Variants in GSE1 observed in about 807,000 individuals in gnomAD.
GSE1 encodes the protein genetic suppressor element 1.
In GSE1, 32 loss-of-function variants were observed where a neutral mutation model predicts 112.6. That is an observed-to-expected ratio of 0.28 (90% confidence interval 0.21 to 0.38). The LOEUF is 0.38. Ranked by LOEUF, GSE1 falls within the 10% of genes least tolerant of loss-of-function variation. GSE1 has a pLI of 1.00. For missense variants in GSE1, 2,348 were observed against 1,699.2 expected (o/e 1.38, Z -6.71); for synonymous variants, 1,115 against 735.6 (o/e 1.52, Z -8.35).
intron 2 of GSE1, among the ~76,000 whole-genome samples, chr16:85,503,001 C>T (rs1326764251): frequency 6.6e-6 from 1 of 152,172 alleles, no homozygotes; most frequent in Non-Finnish European, 1.5e-5. Context: ...GGTAAGAAGG[C>T]TGGGAAAGGC....
chr16:85,500,741 G>A (rs917790921), intron 2 of GSE1, among the ~76,000 whole-genome samples: 6 of 152,212 alleles, frequency 3.9e-5, no homozygotes, highest in African/African-American at 1.4e-4. Flanking sequence ...GGGATGGAGA[G>A]GGGGCTTGAA....
At chr16:85,600,329 G>T (rs1249612585) in intron 1 of GSE1, among the ~76,000 whole-genome samples, 1 of 152,168 alleles carries the variant, frequency 6.6e-6, no homozygotes, top group Non-Finnish European at 1.5e-5. Context: ...AGGCAGGAGG[G>T]GGCTGGGCCT....
intron 13 of GSE1, 62 bp from the exon 14 acceptor site, chr16:85,668,078 C>CTGAG: frequency 1.5e-6 from 2 of 1,309,148 alleles, no homozygotes; most frequent in Non-Finnish European, 2.1e-6. Flanking sequence ...GAGCTCCCTT[C>CTGAG]TGAGACAGCA....
intron 1 of GSE1, among the ~76,000 whole-genome samples, chr16:85,348,468 C>T (rs1483750611): frequency 6.6e-6 from 1 of 152,208 alleles, no homozygotes; most frequent in East Asian, 1.9e-4. Flanking sequence ...ACCTTCACTC[C>T]CGCCCAGGTC....
intron 1 of GSE1, among the ~76,000 whole-genome samples, chr16:85,346,134 A>T (rs1366498979): frequency 1.3e-5 from 1 of 78,648 alleles, no homozygotes. Flanking sequence ...TGAACAATGG[A>T]TGGGTAGATG....
At chr16:85,190,480 C>T (rs911260939) in intron 1 of GSE1, among the ~76,000 whole-genome samples, 3 of 152,210 alleles carry the variant, frequency 2.0e-5, no homozygotes, top group East Asian at 1.9e-4. Flanking sequence ...TTATCCATAA[C>T]CTTGATTGAA....
At chr16:85,183,618 A>G (rs2074640257) in intron 1 of GSE1, among the ~76,000 whole-genome samples, 2 of 152,162 alleles carry the variant, frequency 1.3e-5, no homozygotes, top group African/African-American at 4.8e-5. Flanking sequence ...AGATGTTTGC[A>G]CTTGTCCTTC....
At chr16:85,172,815 C>T (rs911168532) in intron 1 of GSE1, among the ~76,000 whole-genome samples, 1 of 152,222 alleles carries the variant, frequency 6.6e-6, no homozygotes, top group Non-Finnish European at 1.5e-5. Context: ...GATCCTGCCT[C>T]CCACCTGCAC....
At chr16:85,611,415 T>A (rs1455739783), upstream of GSE1, 116 of 962,966 alleles carry the variant, frequency 1.2e-4, no homozygotes, top group Non-Finnish European at 1.4e-4. Flanking sequence ...AGCCACCGTG[T>A]GGTGCGTAAA....
At chr16:85,609,565 A>C (rs1171456088), upstream of GSE1, among the ~76,000 whole-genome samples, 1 of 152,146 alleles carries the variant, frequency 6.6e-6, no homozygotes, top group African/African-American at 2.4e-5. Flanking sequence ...GGATCCTCCT[A>C]GGACTCCCGT....
intron 2 of GSE1, among the ~76,000 whole-genome samples, chr16:85,549,076 C>T (rs1270417073): frequency 2.0e-5 from 3 of 152,094 alleles, no homozygotes; most frequent in Non-Finnish European, 4.4e-5. Context: ...CGTGAGCCAC[C>T]GCGCCCGGCC....
At chr16:85,212,340 A>G (rs1416594598) in intron 1 of GSE1, among the ~76,000 whole-genome samples, 2 of 152,104 alleles carry the variant, frequency 1.3e-5, no homozygotes, top group Non-Finnish European at 2.9e-5. Context: ...TGGGAGGGAG[A>G]GGTTGCAGTG....
chr16:85,339,801 C>G (rs1293799045), intron 1 of GSE1, among the ~76,000 whole-genome samples: 1 of 152,096 alleles, frequency 6.6e-6, no homozygotes, highest in Non-Finnish European at 1.5e-5. Flanking sequence ...TGGTGACTTT[C>G]GTGTTTGCCT....
chr16:85,496,092 A>T (rs769455005), intron 2 of GSE1, among the ~76,000 whole-genome samples: 25 of 152,170 alleles, frequency 1.6e-4, no homozygotes, highest in Non-Finnish European at 2.8e-4. Flanking sequence ...AGCACTCTGT[A>T]TGGGGGCACA....
intron 2 of GSE1, among the ~76,000 whole-genome samples, chr16:85,448,731 G>A (rs780388295): frequency 7.5e-4 from 114 of 152,288 alleles, no homozygotes; most frequent in Admixed American, 1.4e-3. Flanking sequence ...GCCCCACGCC[G>A]CCCACATCCC....
In GSE1 at chr16:85,661,200, G is replaced by A. The variant is rs2052399960; in HGVS notation, c.1695G>A (p.Gly565=). Reference sequence around the variant, plus strand: ...GCCGTGACCCTCCGCAGCACTTTGGGGGGCCACCACCTCTGATTTCGCCCA... The same window carrying A: ...GCCGTGACCCTCCGCAGCACTTTGGAGGGCCACCACCTCTGATTTCGCCCA... ...PGGRDPPQHF[G]GPPPLISPKP... is the part of the protein sequence containing the mutation. The change falls in exon 9 of 16, where the codon GGG becomes GGA. Residue 565 remains glycine (G), a synonymous_variant. Coordinates refer to ENST00000253458, the MANE Select transcript of GSE1 (RefSeq NM_014615.5). 6.2e-7 allele frequency: 1 copy of A among 1,605,802 alleles called. No homozygotes were observed. Among genetic ancestry groups the A allele is most frequent in the African/African-American group, 1.3e-5 (1 of 74,778 alleles).
intron 2 of GSE1, among the ~76,000 whole-genome samples, chr16:85,491,005 C>A (rs1045958673): frequency 6.6e-5 from 10 of 152,180 alleles, no homozygotes; most frequent in African/African-American, 2.2e-4. Flanking sequence ...ACTCCACACC[C>A]CGATCTCTCC....
chr16:85,242,382 G>C (rs557234161), intron 1 of GSE1, among the ~76,000 whole-genome samples: 1 of 152,348 alleles, frequency 6.6e-6, no homozygotes, highest in South Asian at 2.1e-4. Flanking sequence ...ATGCAGGAAG[G>C]GGTGGGTCAG....
At chr16:85,436,843 T>C (rs1247872225) in intron 2 of GSE1, among the ~76,000 whole-genome samples, 2 of 152,152 alleles carry the variant, frequency 1.3e-5, no homozygotes, top group African/African-American at 4.8e-5. Flanking sequence ...GGCCAGAGTG[T>C]GGGCTGGGCT....
Sources: gnomAD v4.1 joint callset for allele counts (sites outside exome capture counted in the v4.1 genomes callset) on GRCh38, gnomAD v4.1.1 for gene constraint, MANE v1.5 for transcripts, NCBI Gene and HGNC (gene_info 2026-07-23, HGNC 2026-07-21) for gene names.